The following TOGARAM2 variants were observed in gnomAD, a reference collection of about 807,000 sequenced individuals.
TOGARAM2 encodes TOG array regulator of axonemal microtubules protein 2.
A neutral mutation model predicts 93.3 loss-of-function variants in TOGARAM2; 85 were observed. The ratio of observed to expected loss-of-function variants is 0.91; its 90% CI spans 0.76 to 1.09. The LOEUF (loss-of-function observed/expected upper bound fraction) is 1.09. TOGARAM2 is among the 50% of genes least tolerant of loss of function. TOGARAM2 has a pLI of 0.00. For synonymous variants in TOGARAM2, 593 were observed against 552.8 expected (o/e 1.07, Z -1.02); for missense variants, 1,277 against 1,334.5 (o/e 0.96, Z 0.67).
chr2:29,016,301 C>T (rs950280966), intron 8 of TOGARAM2, among the ~76,000 whole-genome samples: 1 of 152,150 alleles, frequency 6.6e-6, no homozygotes, highest in African/African-American at 2.4e-5. Flanking sequence ...CAAGCCCCAC[C>T]ACCTCTTGAT....
intron 8 of TOGARAM2, among the ~76,000 whole-genome samples, chr2:29,016,820 T>G (rs556115383): frequency 1.7e-4 from 26 of 152,334 alleles, no homozygotes; most frequent in South Asian, 4.1e-4. Flanking sequence ...TTCAAACACT[T>G]CTCTCCTAGA....
At chr2:29,012,717 C>T (rs188676651) in intron 7 of TOGARAM2, among the ~76,000 whole-genome samples, 53 of 152,348 alleles carry the variant, frequency 3.5e-4, no homozygotes, top group African/African-American at 1.2e-3. Context: ...TCTCTGCCCT[C>T]CAGCTGGCAA....
At chr2:29,014,691 C>A in intron 8 of TOGARAM2, 130 bp downstream of exon 8, 1 of 1,214,704 alleles carries the variant, frequency 8.2e-7, no homozygotes, top group Non-Finnish European at 1.1e-6. Context: ...CCCGAGGCAG[C>A]CACCCAAGTA....
intron 6 of TOGARAM2, among the ~76,000 whole-genome samples, chr2:29,008,351 A>G (rs947755143): frequency 6.6e-6 from 1 of 152,112 alleles, no homozygotes; most frequent in African/African-American, 2.4e-5. Flanking sequence ...CAGTTTCATC[A>G]CATTGGTTAG....
Position 28,999,448 on chromosome 2 carries a change from G to A in TOGARAM2, c.407G>A (p.Gly136Asp). The A allele has an allele frequency of 1.2e-6, 2 of 1,609,394 alleles. No individual in the cohort carries two copies. The highest frequency in any genetic ancestry group is 4.5e-5 in the East Asian group (2 of 44,788). Residue 136 changes from glycine (G) to aspartate (D), a missense_variant, in exon 4 of 20, where the codon GGC (glycine) becomes GAC (aspartate). Physicochemically the swap from Gly to Asp is moderately conservative, Grantham distance 94 (BLOSUM62 -1). Coordinates refer to ENST00000379558, the MANE Select transcript of TOGARAM2 (RefSeq NM_199280.4). The part of the protein sequence containing the change: ...DKLKKRRLSE[G>D]LAASSRASLD... ...CTCAAGAAAAGGAGGCTCTCAGAGG[G>A]CTTGGCAGCGTCTTCCCGAGGTGAG...
At position 29,046,490 on chromosome 2, in the gene TOGARAM2, C is replaced by T. The variant is rs567668231; in HGVS notation, c.2722+1080C>T. 2.0e-5 allele frequency: 3 copies of T among 152,498 alleles called. No homozygotes were observed. The East Asian group carries it at 5.8e-4, about 29-fold the overall frequency. 9.4% of individuals were successfully genotyped at this position (152,498 alleles called of 1,614,324 possible). ...CCCTGAAATGCAGACAGATCATGCA[C>T]CAGCCCTGCTTTAATCTTTGTGAGA... On this transcript the variant is annotated intron_variant, in intron 19 of 19. Coordinates refer to ENST00000379558, the MANE Select transcript of TOGARAM2 (RefSeq NM_199280.4).
chr2:29,017,284 A>G lies in TOGARAM2; in HGVS notation c.1175A>G (p.Gln392Arg), dbSNP rs1558437354. 2 of 1,609,730 alleles carry G rather than the reference A, an allele frequency of 1.2e-6. No individual in the cohort carries two copies. The highest frequency in any genetic ancestry group is 1.7e-6 in the Non-Finnish European group (2 of 1,178,266). Residue 392 changes from glutamine (Q) to arginine (R), a missense_variant, in exon 9 of 20, where the codon CAG (glutamine) becomes CGG (arginine). By Grantham distance (43) the Gln-to-Arg change is conservative. Coordinates refer to ENST00000379558, the MANE Select transcript of TOGARAM2 (RefSeq NM_199280.4). ...QELTSQCLGS[Q>R]RAFMKEGLLP... ...CTCACTTCCCAGTGCCTGGGCTCCC[A>G]GAGAGCCTTCATGAAGGAAGGTACT...
chr2:28,998,041 CG>C, intron 2 of TOGARAM2, 101 bp from the exon 3 acceptor site: 1 of 736,230 alleles, frequency 1.4e-6, no homozygotes, highest in Non-Finnish European at 2.1e-6. Context: ...AGGGACCCTG[CG>C]GGGTGGAGTG....
chr2:29,044,673 A>C (rs1421527478), intron 18 of TOGARAM2, among the ~76,000 whole-genome samples: 1 of 151,804 alleles, frequency 6.6e-6, no homozygotes, highest in Non-Finnish European at 1.5e-5. Flanking sequence ...CTTGAGGGGG[A>C]TGGGAGTACT....
At chr2:29,041,968 C>T (rs532621888) in intron 18 of TOGARAM2, among the ~76,000 whole-genome samples, 1 of 152,276 alleles carries the variant, frequency 6.6e-6, no homozygotes, top group East Asian at 1.9e-4. Context: ...TCATTGAACC[C>T]TTACAGCAAC....
rs4666161 is a variant in TOGARAM2 at position 29,019,177 on chromosome 2, C to T, written c.1360+1221C>T. Among the ~76,000 whole-genome samples, 903 of 121,720 alleles carry T rather than the reference C, an allele frequency of 7.4e-3. 30 individuals are homozygous for T. The highest frequency in any genetic ancestry group is 0.049 in the Admixed American group (578 of 11,726). 79.9% of individuals were successfully genotyped at this position (121,720 alleles called of 152,430 possible). A position where few individuals can be genotyped will look rare whatever the true frequency, so the allele number is the denominator to read the frequency against. ...ATTGATGTATATAACCCAACTGACT[C>T]TTTTTTTTTTTTTTTTTTTTTATGA... is the stretch of plus-strand genomic sequence containing the variant. On this transcript the variant is annotated intron_variant, in intron 10 of 19. Coordinates refer to ENST00000379558, the MANE Select transcript of TOGARAM2 (RefSeq NM_199280.4).
In TOGARAM2 at chr2:29,051,901, G is replaced by A. The variant is rs1435008693; in HGVS notation, c.2868G>A (p.Leu956=). ...SGNIRGVVCR[L]SRSLQEHMGS... is the part of the protein sequence containing the mutation. ...ACATCCGCGGGGTGGTGTGCCGGCT[G>A]TCCAGGAGCCTCCAGGAGCACATGG... is the stretch of plus-strand genomic sequence containing the variant. The change falls in exon 20 of 20, where the codon CTG becomes CTA. Residue 956 remains leucine, a synonymous_variant. Coordinates refer to ENST00000379558, the MANE Select transcript of TOGARAM2 (RefSeq NM_199280.4). 6.3e-7 allele frequency: 1 copy of A among 1,586,026 alleles called. No individual in the cohort carries two copies. Among genetic ancestry groups the A allele is most frequent in the African/African-American group, 1.3e-5 (1 of 74,342 alleles).
chr2:29,006,180 CAT>C (rs1020223028), intron 6 of TOGARAM2, among the ~76,000 whole-genome samples: 5 of 54,980 alleles, frequency 9.1e-5, no homozygotes, highest in East Asian at 4.3e-4. Context: ...TGTGTGACCA[CAT>C]GTGTGTGCAT....
intron 1 of TOGARAM2, among the ~76,000 whole-genome samples, chr2:28,960,620 A>T (rs1671789868): frequency 6.6e-6 from 1 of 152,228 alleles, no homozygotes; most frequent in African/African-American, 2.4e-5. Flanking sequence ...GTCTTGCAGA[A>T]TGAGCCACAT....
chr2:29,048,226 GC>G (rs1279263011), intron 19 of TOGARAM2: 1 of 151,928 alleles, frequency 6.6e-6, no homozygotes, highest in Non-Finnish European at 1.5e-5. Flanking sequence ...GGAAAGACCT[GC>G]CCCCATGATT....
chr2:29,043,404 T>A (rs1311052090), intron 18 of TOGARAM2, among the ~76,000 whole-genome samples: 1 of 152,116 alleles, frequency 6.6e-6, no homozygotes, highest in Non-Finnish European at 1.5e-5. Flanking sequence ...AGTGCCCCTC[T>A]CCAGGAATGC....
At chr2:29,042,097 C>T (rs1666470085) in intron 18 of TOGARAM2, among the ~76,000 whole-genome samples, 1 of 152,188 alleles carries the variant, frequency 6.6e-6, no homozygotes, top group Admixed American at 6.5e-5. Context: ...GGATTCAAAC[C>T]CAGGCAATCT....
intron 14 of TOGARAM2, among the ~76,000 whole-genome samples, chr2:29,029,146 C>T (rs987669507): frequency 6.6e-6 from 1 of 152,180 alleles, no homozygotes; most frequent in African/African-American, 2.4e-5. Context: ...GATACTTGTT[C>T]ACGCATGTTT....
intron 1 of TOGARAM2, among the ~76,000 whole-genome samples, chr2:28,969,557 G>T (rs1671915313): frequency 6.6e-6 from 1 of 152,138 alleles, no homozygotes; most frequent in African/African-American, 2.4e-5. Flanking sequence ...AGTACAAGAA[G>T]AAAAACAAAA....
Sources: allele counts gnomAD v4.1 joint callset (sites outside exome capture counted in the v4.1 genomes callset), GRCh38; gene constraint gnomAD v4.1.1; transcripts MANE v1.5; gene names NCBI Gene and HGNC (gene_info 2026-07-23, HGNC 2026-07-21).